The following MTR variants were observed in gnomAD, a reference collection of about 807,000 sequenced individuals.
MTR encodes 5-methyltetrahydrofolate-homocysteine methyltransferase.
Under a neutral mutation model 154.8 loss-of-function variants are expected in MTR, and 84 were observed. The ratio of observed to expected loss-of-function variants is 0.54; its 90% CI spans 0.45 to 0.65. The LOEUF is 0.65. Among genes scored for constraint, MTR ranks in the 30% least tolerant of loss-of-function variants. The pLI is 0.00. For synonymous variants in MTR, 554 were observed against 553.9 expected (o/e 1.00, Z 0.00); for missense variants, 1,275 against 1,570.2 (o/e 0.81, Z 3.18).
At chr1:236,833,391 C>T (rs1662725899) in intron 13 of MTR, among the ~76,000 whole-genome samples, 1 of 152,188 alleles carries the variant, frequency 6.6e-6, no homozygotes, top group Non-Finnish European at 1.5e-5. Flanking sequence ...CTGTGCTAAG[C>T]ACTTTATGTC....
At chr1:236,820,397 C>G in intron 8 of MTR, 3 of 885,296 alleles carry the variant, frequency 3.4e-6, no homozygotes, top group Middle Eastern at 3.3e-4. Context: ...TGCAGGTGCC[C>G]TCTGTGCCTA....
intron 8 of MTR, among the ~76,000 whole-genome samples, chr1:236,819,368 A>G (rs1283886619): frequency 1.3e-5 from 2 of 152,142 alleles, no homozygotes; most frequent in Non-Finnish European, 2.9e-5. Context: ...GCCTTTTCAC[A>G]TTGGCTTCTT....
rs1664654691 is a variant in MTR, at chr1:236,863,345, C to T, written c.2305-109C>T. The T allele has an allele frequency of 4.6e-6, 4 of 864,574 alleles. No homozygotes were observed. In the African/African-American group the frequency reaches 5.0e-5, roughly 11 times the overall value. The allele number at this position is 864,574 out of a possible 1,614,324, so 53.6% of individuals were successfully genotyped here. A position where few individuals can be genotyped will look rare whatever the true frequency, so the allele number is the denominator to read the frequency against. On this transcript the variant is annotated intron_variant, in intron 21 of 32. Coordinates refer to ENST00000366577, the MANE Select transcript of MTR (RefSeq NM_000254.3). ...TTTCCAGGTCTGTCTTTGAGGTGCTCTTGGTTGTATTGAATTGCTTTCTGT... is the reference window on the plus strand; with the variant it reads ...TTTCCAGGTCTGTCTTTGAGGTGCTTTTGGTTGTATTGAATTGCTTTCTGT...
chr1:236,842,437 A>G (rs538820751), intron 15 of MTR, among the ~76,000 whole-genome samples: 14 of 152,104 alleles, frequency 9.2e-5, no homozygotes, highest in African/African-American at 3.4e-4. Flanking sequence ...CAGGTTGCCT[A>G]ATTTTCTTAT....
At chr1:236,862,742 A>G (rs1042840714) in intron 21 of MTR, among the ~76,000 whole-genome samples, 1 of 152,098 alleles carries the variant, frequency 6.6e-6, no homozygotes, top group Non-Finnish European at 1.5e-5. Flanking sequence ...TCTTAACTGA[A>G]TAGTCTTTCT....
At chr1:236,848,396 G>A (rs149537257) in intron 15 of MTR, among the ~76,000 whole-genome samples, 3 of 152,196 alleles carry the variant, frequency 2.0e-5, no homozygotes, top group Non-Finnish European at 2.9e-5. Flanking sequence ...AGCATTGGTC[G>A]CCCCTGTGCC....
In MTR at chr1:236,862,302, A is replaced by C. The variant is rs1196560326; in HGVS notation, c.2263A>C (p.Arg755=). The change falls in exon 21 of 33, where the codon AGA becomes CGA. Residue 755 remains arginine, a synonymous_variant. Transcript: ENST00000366577. ...GHLIPFMEKE[R]EETRVLNGTV... Reference sequence around the variant, plus strand: ...CCTTATCCCTTTCATGGAAAAAGAAAGAGAAGAAACCAGAGTGCTTAACGG... The same window carrying C: ...CCTTATCCCTTTCATGGAAAAAGAACGAGAAGAAACCAGAGTGCTTAACGG... The C allele has an allele frequency of 6.2e-7, 1 of 1,613,934 alleles. No homozygotes were observed. The highest frequency in any genetic ancestry group is 8.5e-7 in the Non-Finnish European group (1 of 1,179,926).
chr1:236,888,245 G>A (rs1375154536), intron 27 of MTR, among the ~76,000 whole-genome samples: 1 of 152,182 alleles, frequency 6.6e-6, no homozygotes, highest in African/African-American at 2.4e-5. Context: ...CTCGGATACG[G>A]CAATGGAGCC....
In MTR at chr1:236,891,338, G is replaced by A. The variant is rs769109539; in HGVS notation, c.3204+9G>A. On this transcript the variant is annotated intron_variant, in intron 29 of 32. Coordinates refer to ENST00000366577, the MANE Select transcript of MTR (RefSeq NM_000254.3). ...ATGGGTTAAGGCAACAGGTATGGAA[G>A]GTGTACTGACAGCCAGCACACCGCT... is the stretch of plus-strand genomic sequence containing the variant. 7.9e-5 allele frequency: 128 copies of A among 1,613,466 alleles called. No homozygotes were observed. Among genetic ancestry groups the A allele is most frequent in the Middle Eastern group, 5.1e-4 (3 of 5,908 alleles).
chr1:236,851,137 A>G (rs1191130245), intron 16 of MTR, among the ~76,000 whole-genome samples: 1 of 152,260 alleles, frequency 6.6e-6, no homozygotes, highest in Non-Finnish European at 1.5e-5. Flanking sequence ...CCCAAAATCA[A>G]TACTCAACGT....
intron 29 of MTR, among the ~76,000 whole-genome samples, chr1:236,892,414 C>G (rs114511729): frequency 6.6e-6 from 1 of 151,980 alleles, no homozygotes; most frequent in Non-Finnish European, 1.5e-5. Context: ...CCTAGGAGAT[C>G]GAGGCTGCAG....
rs556911157 is a variant in MTR, at chr1:236,836,390, C to T, written c.1329+703C>T. Among the ~76,000 whole-genome samples the T allele has an allele frequency of 9.2e-5, 14 of 152,088 alleles. No homozygotes were observed. In the East Asian group the frequency reaches 2.5e-3, roughly 27 times the overall value. On this transcript the variant is annotated intron_variant, in intron 14 of 32. Coordinates refer to ENST00000366577, the MANE Select transcript of MTR (RefSeq NM_000254.3). ...CTTCCTGAGTAGCTGGGACCACAGG[C>T]ACGCATCATTTAAAAAAAATTTTTA...
intron 22 of MTR, among the ~76,000 whole-genome samples, chr1:236,868,538 G>T (rs1464681362): frequency 6.6e-6 from 1 of 152,076 alleles, no homozygotes; most frequent in African/African-American, 2.4e-5. Context: ...AAATATTTTT[G>T]ATTAATTCCA....
At chr1:236,853,660 C>G (rs1278143357) in intron 18 of MTR, among the ~76,000 whole-genome samples, 4 of 152,000 alleles carry the variant, frequency 2.6e-5, no homozygotes, top group East Asian at 1.9e-4. Context: ...AATAGCTGTT[C>G]TGGATTTTCT....
intron 8 of MTR, among the ~76,000 whole-genome samples, chr1:236,821,390 C>T (rs1180508227): frequency 6.6e-6 from 1 of 152,206 alleles, no homozygotes; most frequent in African/African-American, 2.4e-5. Flanking sequence ...CCCCACCTTC[C>T]AACGCTGTTT....
rs568555179 is a variant in MTR at position 236,845,394 on chromosome 1, A to T, written c.1516-4950A>T. 1.2e-3 allele frequency among the ~76,000 whole-genome samples: 189 copies of T among 152,386 alleles called. 1 individual carries two copies. Among genetic ancestry groups the T allele is most frequent in the Admixed American group, 2.4e-3 (36 of 15,308 alleles). On this transcript the variant is annotated intron_variant, in intron 15 of 32. Coordinates refer to ENST00000366577, the MANE Select transcript of MTR (RefSeq NM_000254.3). ...AAATTAGTAAAGTAAAAAATGGTCAAGGTCTGTGTAGATACAGCAGTGATA... is the reference window on the plus strand; with the variant it reads ...AAATTAGTAAAGTAAAAAATGGTCATGGTCTGTGTAGATACAGCAGTGATA...
At chr1:236,851,464 C>T in intron 16 of MTR, among the ~76,000 whole-genome samples, 1 of 143,208 alleles carries the variant, frequency 7.0e-6, no homozygotes, top group East Asian at 1.9e-4. Context: ...AATTATAGTG[C>T]CATTGGCTGT....
rs754779929 is a variant in MTR, at chr1:236,863,530, T to C, written c.2381T>C (p.Val794Ala). The change falls in exon 22 of 33, where the codon GTA becomes GCA. Residue 794 changes from valine to alanine, a missense_variant. Val to Ala is a moderately conservative substitution (Grantham distance 64, BLOSUM62 0). Coordinates refer to ENST00000366577, the MANE Select transcript of MTR (RefSeq NM_000254.3). Reference sequence around the variant, plus strand: ...GACATAGGCAAGAACATAGTTGGAGTAGTCCTTGGCTGCAATAATTTCCGG... The same window carrying C: ...GACATAGGCAAGAACATAGTTGGAGCAGTCCTTGGCTGCAATAATTTCCGG... ...VHDIGKNIVG[V>A]VLGCNNFRVI... The C allele has an allele frequency of 5.0e-6, 8 of 1,613,880 alleles. No individual in the cohort carries two copies. Among genetic ancestry groups the C allele is most frequent in the Non-Finnish European group, 1.7e-6 (2 of 1,179,950 alleles).
chr1:236,887,117 G>A (rs967784266), intron 27 of MTR, among the ~76,000 whole-genome samples: 1 of 152,268 alleles, frequency 6.6e-6, no homozygotes, highest in Admixed American at 6.5e-5. Flanking sequence ...GAGTGAACAG[G>A]GGTTATATTA....
Sources: allele counts gnomAD v4.1 joint callset (sites outside exome capture counted in the v4.1 genomes callset), GRCh38; gene constraint gnomAD v4.1.1; transcripts MANE v1.5; gene names NCBI Gene and HGNC (gene_info 2026-07-23, HGNC 2026-07-21).